Variants in DIS3L2 observed in about 807,000 individuals in gnomAD.
The protein encoded by DIS3L2 is DIS3 like 3'-5' exoribonuclease 2.
A neutral mutation model predicts 97.5 loss-of-function variants in DIS3L2; 34 were observed. That is an observed-to-expected ratio of 0.35 (90% CI 0.27 to 0.46). The LOEUF (loss-of-function observed/expected upper bound fraction) is 0.46. Among genes scored for constraint, DIS3L2 ranks in the 20% least tolerant of loss-of-function variants. DIS3L2 has a pLI of 1.00. For synonymous variants in DIS3L2, 435 were observed against 445.2 expected, an observed-to-expected ratio of 0.98 and a Z score of 0.29; for missense variants, 1,038 against 1,146.0, an observed-to-expected ratio of 0.91 and a Z score of 1.36.
At chr2:231,972,726 T>A (rs1692958125) in intron 1 of DIS3L2, among the ~76,000 whole-genome samples, 1 of 151,936 alleles carries the variant, frequency 6.6e-6, no homozygotes, top group South Asian at 2.1e-4. Context: ...CTGTTTTTAG[T>A]AGAGATGAGG....
chr2:232,129,645 C>G (rs1698163824), intron 6 of DIS3L2, among the ~76,000 whole-genome samples: 1 of 152,166 alleles, frequency 6.6e-6, no homozygotes, highest in Admixed American at 6.5e-5. Flanking sequence ...GTCAGTGTTT[C>G]CAGAGTACGC....
intron 9 of DIS3L2, among the ~76,000 whole-genome samples, chr2:232,208,538 C>T (rs533275045): frequency 4.3e-4 from 65 of 152,206 alleles, no homozygotes; most frequent in Admixed American, 1.7e-3. Context: ...TTTGAACTCC[C>T]GACCTCAGGT....
At position 232,336,762 on chromosome 2, in the gene DIS3L2, A is replaced by AT; in HGVS notation, c.*137dup. 2 of 1,481,964 alleles carry AT rather than the reference A, an allele frequency of 1.3e-6. No individual in the cohort carries two copies. Among genetic ancestry groups the AT allele is most frequent in the Non-Finnish European group, 1.8e-6 (2 of 1,126,826 alleles). 91.8% of individuals were successfully genotyped at this position (1,481,964 alleles called of 1,614,324 possible). On this transcript the variant is annotated 3_prime_UTR_variant, in exon 21 of 21. Transcript: ENST00000325385. Reference sequence around the variant, plus strand: ...AGGGGTTTGTTTTTATTTTTATTTAATTTTTGCAGCTCAACTTTTAAACAA... The same window carrying AT: ...AGGGGTTTGTTTTTATTTTTATTTAATTTTTTGCAGCTCAACTTTTAAACAA...
chr2:232,027,342 G>A (rs1481719359), intron 4 of DIS3L2, among the ~76,000 whole-genome samples: 1 of 152,116 alleles, frequency 6.6e-6, no homozygotes, highest in Non-Finnish European at 1.5e-5. Flanking sequence ...GATAGACTGG[G>A]AAGTAGAATG....
chr2:232,333,788 C>G, intron 16 of DIS3L2, 52 bp from the exon 17 acceptor site: 1 of 1,511,686 alleles, frequency 6.6e-7, no homozygotes, highest in Non-Finnish European at 8.9e-7. Context: ...GCCTTCCAGG[C>G]CTGGCTGGGC....
At chr2:232,002,222 A>G (rs188463718) in intron 1 of DIS3L2, among the ~76,000 whole-genome samples, 2 of 152,064 alleles carry the variant, frequency 1.3e-5, no homozygotes, top group East Asian at 3.9e-4. Context: ...ATTCTGTTCC[A>G]TTGCTCTGTG....
intron 10 of DIS3L2, among the ~76,000 whole-genome samples, chr2:232,214,687 A>G (rs529220628): frequency 6.6e-6 from 1 of 152,318 alleles, no homozygotes; most frequent in Admixed American, 6.5e-5. Flanking sequence ...TCTCCTTGCC[A>G]GTTCCTCCTT....
chr2:232,118,148 G>A lies in DIS3L2; in HGVS notation c.602-12471G>A, dbSNP rs191737949. On this transcript the variant is annotated intron_variant, in intron 6 of 20. Transcript: ENST00000325385. ...CATGGGCCTCTCTATGTGGCCGCAT[G>A]CTTTATCAGATCCAGAGAGTCAGCT... Among the ~76,000 whole-genome samples, 241 of 152,306 alleles carry A rather than the reference G, an allele frequency of 1.6e-3. 2 individuals are homozygous for A. Among genetic ancestry groups the A allele is most frequent in the African/African-American group, 5.5e-3 (227 of 41,562 alleles).
rs571566868 is a variant in DIS3L2 at position 232,102,149 on chromosome 2, CG to C, written c.601+14430del. 2.3e-3 allele frequency among the ~76,000 whole-genome samples: 350 copies of C among 152,202 alleles called. 4 individuals carry two copies. Among genetic ancestry groups the C allele is most frequent in the African/African-American group, 8.3e-3 (343 of 41,532 alleles). ...AGCATTCATGCTAAAAATGTTTCAC[CG>C]GAATCAAGCCTCTAGCCCTAACTTC... On this transcript the variant is annotated intron_variant, in intron 6 of 20. Coordinates refer to ENST00000325385, the MANE Select transcript of DIS3L2 (RefSeq NM_152383.5).
chr2:232,193,032 A>G (rs1691658887), intron 9 of DIS3L2, among the ~76,000 whole-genome samples: 1 of 152,116 alleles, frequency 6.6e-6, no homozygotes, highest in African/African-American at 2.4e-5. Context: ...GCTGCTATCT[A>G]CAGCTACCAC....
intron 9 of DIS3L2, among the ~76,000 whole-genome samples, chr2:232,184,744 C>T (rs896605285): frequency 8.5e-5 from 13 of 152,168 alleles, no homozygotes; most frequent in African/African-American, 2.7e-4. Flanking sequence ...GCCTGACATT[C>T]GTATTAGGGC....
At chr2:231,964,828 CG>C (rs1161545885) in intron 1 of DIS3L2, among the ~76,000 whole-genome samples, 2 of 152,034 alleles carry the variant, frequency 1.3e-5, no homozygotes, top group Non-Finnish European at 2.9e-5. Flanking sequence ...ATATGTGGTA[CG>C]GATATTAAGT....
chr2:232,201,305 C>G (rs984024814), intron 9 of DIS3L2, among the ~76,000 whole-genome samples: 10 of 152,176 alleles, frequency 6.6e-5, no homozygotes, highest in African/African-American at 2.2e-4. Context: ...TCTAGTCAAG[C>G]CTTTTTACCC....
chr2:232,336,301 C>G, intron 20 of DIS3L2, 168 bp from the exon 21 acceptor site: 1 of 1,547,418 alleles, frequency 6.5e-7, no homozygotes. Context: ...CAACTCTGCC[C>G]TGACCCAGGG....
intron 19 of DIS3L2, 149 bp from the exon 20 acceptor site, chr2:232,335,624 C>G: frequency 1.2e-6 from 1 of 835,350 alleles, no homozygotes; most frequent in South Asian, 1.8e-5. Context: ...GGTGGCCTGG[C>G]AGGGCCTCCC....
intron 1 of DIS3L2, among the ~76,000 whole-genome samples, chr2:232,003,630 G>A: frequency 6.6e-6 from 1 of 152,118 alleles, no homozygotes; most frequent in East Asian, 1.9e-4. Flanking sequence ...TTGTAGTACA[G>A]TGCTGCTGGT....
chr2:231,990,188 T>C (rs1474510477), intron 1 of DIS3L2, among the ~76,000 whole-genome samples: 1 of 152,170 alleles, frequency 6.6e-6, no homozygotes. Flanking sequence ...ATTTTTTTTT[T>C]TTTAAAGATG....
Position 232,136,488 on chromosome 2 carries a change from A to G in DIS3L2, c.719A>G (p.Glu240Gly). The change falls in exon 8 of 21, where the codon GAG (glutamate) becomes GGG (glycine). Residue 240 changes from glutamate to glycine, a missense_variant. Glu to Gly is a moderately conservative substitution (Grantham distance 98). This residue lies in a region of DIS3L2 where 813 missense variants were observed against 880.1 expected (regional missense o/e 0.92). Coordinates refer to ENST00000325385, the MANE Select transcript of DIS3L2 (RefSeq NM_152383.5). ...QRSAKVVYIL[E>G]KKHSRAATGF... ...TGTTTTTAGGTGGTTTACATCTTGG[A>G]GAAAAAACATTCTCGAGCAGCAACC... 6.2e-7 allele frequency: 1 copy of G among 1,613,972 alleles called. No individual in the cohort carries two copies. The highest frequency in any genetic ancestry group is 8.5e-7 in the Non-Finnish European group (1 of 1,179,888).
At chr2:232,052,107 T>C (rs1354754448) in intron 5 of DIS3L2, among the ~76,000 whole-genome samples, 2 of 151,692 alleles carry the variant, frequency 1.3e-5, no homozygotes, top group South Asian at 4.2e-4. Context: ...CACTGCAACC[T>C]CCGTCTCCTG....
Sources: gnomAD v4.1 joint callset for allele counts (sites outside exome capture counted in the v4.1 genomes callset) on GRCh38, gnomAD v4.1.1 for gene constraint, gnomAD v4.1.1 regional missense constraint, MANE v1.5 for transcripts, NCBI Gene and HGNC (gene_info 2026-07-23, HGNC 2026-07-21) for gene names.